VPS25: variants seen among roughly 807,000 people sequenced by gnomAD.
The protein encoded by VPS25 is vacuolar protein-sorting-associated protein 25.
A neutral mutation model predicts 30.3 loss-of-function variants in VPS25; 21 were observed. The ratio of observed to expected loss-of-function variants is 0.69; its 90% confidence interval spans 0.49 to 1.00. The LOEUF is 1.00. Ranked by LOEUF, VPS25 falls within the 50% of genes least tolerant of loss-of-function variation. The pLI, the probability that VPS25 is intolerant of heterozygous loss-of-function variation, is 0.00. For synonymous variants in VPS25, 101 were observed against 88.1 expected (o/e 1.15, Z -0.82); for missense variants, 156 against 217.2 (o/e 0.72, Z 1.77).
intron 4 of VPS25, among the ~76,000 whole-genome samples, chr17:42,775,691 G>A (rs1366776241): frequency 2.0e-5 from 3 of 152,176 alleles, no homozygotes; most frequent in African/African-American, 4.8e-5. Flanking sequence ...CGGGGGCTAT[G>A]TGAGGCCATA....
chr17:42,777,994 T>C (rs974646453), intron 5 of VPS25, among the ~76,000 whole-genome samples: 2 of 152,034 alleles, frequency 1.3e-5, no homozygotes, highest in African/African-American at 2.4e-5. Flanking sequence ...TTCAGCACTG[T>C]AGCCTTGCCT....
At chr17:42,777,601 C>T (rs2054443369) in intron 5 of VPS25, among the ~76,000 whole-genome samples, 1 of 152,134 alleles carries the variant, frequency 6.6e-6, no homozygotes, top group African/African-American at 2.4e-5. Flanking sequence ...GAAACAAGGG[C>T]AGGGGATTAA....
chr17:42,779,375 A>G lies in VPS25; in HGVS notation c.*306A>G, dbSNP rs1856222065. On this transcript the variant is annotated 3_prime_UTR_variant, in exon 6 of 6. Transcript: ENST00000253794. ...TTTATATGTGTTCACACATGTAAGT[A>G]CATACACACATGCGCCTGCAGCACA... 3.4e-6 allele frequency: 1 copy of G among 290,584 alleles called. No homozygotes were observed. The highest frequency in any genetic ancestry group is 6.9e-6 in the Non-Finnish European group (1 of 145,562). The allele number at this position is 290,584 out of a possible 1,614,324, so 18.0% of individuals were successfully genotyped here.
Position 42,774,695 on chromosome 17 carries a change from G to A in VPS25, c.249G>A (p.Lys83=), listed in dbSNP as rs746419040. The change falls in exon 3 of 6, where the codon AAG becomes AAA. Residue 83 remains lysine (K), a synonymous_variant. Coordinates refer to ENST00000253794, the MANE Select transcript of VPS25 (RefSeq NM_032353.4). ...SIQIVLEELR[K]KGNLEWLDKS... ...AGATTGTATTAGAGGAACTGAGGAA[G>A]AAAGGTGGGTTCAGTTCCCCAGATT... 6.8e-6 allele frequency: 11 copies of A among 1,612,438 alleles called. No individual in the cohort carries two copies. The highest frequency in any genetic ancestry group is 1.6e-4 in the Middle Eastern group (1 of 6,078).
intron 2 of VPS25, 94 bp downstream of exon 2, chr17:42,773,972 C>G: frequency 8.3e-6 from 12 of 1,440,208 alleles, no homozygotes; most frequent in Non-Finnish European, 1.1e-5. Context: ...CCCCTTTTAC[C>G]CATGGTAGGC....
intron 5 of VPS25, among the ~76,000 whole-genome samples, chr17:42,778,384 C>A (rs928801717): frequency 1.3e-5 from 2 of 152,134 alleles, no homozygotes; most frequent in Non-Finnish European, 2.9e-5. Flanking sequence ...AGGGTTTCTC[C>A]ATGTTGGCCA....
Position 42,773,514 on chromosome 17 carries a change from C to T in VPS25, c.39C>T (p.Phe13=), listed in dbSNP as rs748133246. ...TCGAGTGGCCGTGGCAGTATCGCTT[C>T]CCACCCTTCTTTACGTGAGGCTCAG... ...MSFEWPWQYR[F]PPFFTLQPNV... is the part of the protein sequence containing the mutation. The change falls in exon 1 of 6, where the codon TTC becomes TTT. Residue 13 remains phenylalanine, a synonymous_variant. Transcript: ENST00000253794. 8.1e-6 allele frequency: 13 copies of T among 1,614,072 alleles called. No homozygotes were observed. The African/African-American group carries it at 1.6e-4, about 20-fold the overall frequency.
At position 42,773,527 on chromosome 17, in the gene VPS25, A is replaced by C; in HGVS notation, c.52A>C (p.Thr18Pro). ...PWQYRFPPFF[T>P]LQPNVDTRQK... ...GCAGTATCGCTTCCCACCCTTCTTT[A>C]CGTGAGGCTCAGACCCCAAGAAGCA... The change falls in exon 1 of 6, where the codon ACG becomes CCG. Residue 18 changes from threonine to proline, a missense_variant and splice_region_variant. Coordinates refer to ENST00000253794, the MANE Select transcript of VPS25 (RefSeq NM_032353.4). The C allele has an allele frequency of 6.2e-7, 1 of 1,614,072 alleles. No homozygotes were observed.
Position 42,774,675 on chromosome 17 carries a change from G to C in VPS25, c.229G>C (p.Val77Leu). Residue 77 changes from valine (V) to leucine (L), a missense_variant, in exon 3 of 6, where the codon GTA becomes CTA. Coordinates refer to ENST00000253794, the MANE Select transcript of VPS25 (RefSeq NM_032353.4). ...RKLPVESIQI[V>L]LEELRKKGNL... ...GCTTCCTGTGGAGTCGATCCAGATT[G>C]TATTAGAGGAACTGAGGAAGAAAGG... The C allele has an allele frequency of 6.2e-7, 1 of 1,613,318 alleles. No homozygotes were observed. Among genetic ancestry groups the C allele is most frequent in the South Asian group, 1.1e-5 (1 of 91,018 alleles).
At chr17:42,776,195 T>G in intron 4 of VPS25, 50 bp from the exon 5 acceptor site, 1 of 1,512,450 alleles carries the variant, frequency 6.6e-7, no homozygotes. Flanking sequence ...ATTTACTGTC[T>G]CCCAGGAGAT....
At position 42,773,878 on chromosome 17, in the gene VPS25, C is replaced by G; in HGVS notation, c.199C>G (p.Arg67Gly). ...SPLFNNVKLQ[R>G]KLPVESIQIV... Reference sequence around the variant, plus strand: ...GCTCTTCAACAACGTCAAGCTACAGCGTATCCTCCCTCAGGCTCTTCCACA... The same window carrying G: ...GCTCTTCAACAACGTCAAGCTACAGGGTATCCTCCCTCAGGCTCTTCCACA... Residue 67 changes from arginine to glycine, a missense_variant and splice_region_variant, in exon 2 of 6, where the codon CGA becomes GGA. By Grantham distance (125) the Arg-to-Gly change is moderately radical (BLOSUM62 -2). Coordinates refer to ENST00000253794, the MANE Select transcript of VPS25 (RefSeq NM_032353.4). 2 of 1,612,270 alleles carry G rather than the reference C, an allele frequency of 1.2e-6. No homozygotes were observed. The highest frequency in any genetic ancestry group is 1.7e-6 in the Non-Finnish European group (2 of 1,179,784).
chr17:42,778,181 C>T (rs2054446861), intron 5 of VPS25, among the ~76,000 whole-genome samples: 1 of 152,012 alleles, frequency 6.6e-6, no homozygotes, highest in African/African-American at 2.4e-5. Flanking sequence ...CATAGGCTCC[C>T]CAATTTTTTT....
intron 5 of VPS25, among the ~76,000 whole-genome samples, chr17:42,776,654 G>C (rs2054437502): frequency 7.0e-6 from 1 of 143,312 alleles, no homozygotes; most frequent in Non-Finnish European, 1.5e-5. Context: ...GAGCCACTGT[G>C]CCCCGCCTGT....
In VPS25 at chr17:42,776,661, C is replaced by CTTTTT. The variant is rs1177773681; in HGVS notation, c.418+342_418+343insTTTTT. On this transcript the variant is annotated intron_variant, in intron 5 of 5. Coordinates refer to ENST00000253794, the MANE Select transcript of VPS25 (RefSeq NM_032353.4). ...AGAGGCGTGAGCCACTGTGCCCCGC[C>CTTTTT]TGTTTTTTTTTTTTTTTTTTTGAGA... Among the ~76,000 whole-genome samples the CTTTTT allele has an allele frequency of 3.5e-5, 5 of 142,170 alleles. 1 individual carries two copies. Among genetic ancestry groups the CTTTTT allele is most frequent in the Non-Finnish European group, 4.6e-5 (3 of 65,686 alleles). 93.3% of individuals were successfully genotyped at this position (142,170 alleles called of 152,430 possible). A position where few individuals can be genotyped will look rare whatever the true frequency, so the allele number is the denominator to read the frequency against.
At chr17:42,775,193 G>T in intron 3 of VPS25, 188 bp from the exon 4 acceptor site, 1 of 549,194 alleles carries the variant, frequency 1.8e-6, no homozygotes, top group East Asian at 3.1e-5. Context: ...TCAGGCATGT[G>T]TCACCACACA....
intron 4 of VPS25, 84 bp from the exon 5 acceptor site, chr17:42,776,161 G>C: frequency 8.2e-7 from 1 of 1,226,968 alleles, no homozygotes; most frequent in Non-Finnish European, 1.2e-6. Context: ...TATCATTCCT[G>C]GATCAGAGGG....
At chr17:42,776,991 G>A (rs557472997) in intron 5 of VPS25, among the ~76,000 whole-genome samples, 176 of 152,294 alleles carry the variant, frequency 1.2e-3, no homozygotes, top group Non-Finnish European at 2.1e-3. Flanking sequence ...GGCTAAGGTG[G>A]GAGGATTGCT....
chr17:42,779,368 T>C lies in VPS25; in HGVS notation c.*299T>C, dbSNP rs61754311. ...CTGACACTTTATATGTGTTCACACATGTAAGTACATACACACATGCGCCTG... is the reference window on the plus strand; with the variant it reads ...CTGACACTTTATATGTGTTCACACACGTAAGTACATACACACATGCGCCTG... On this transcript the variant is annotated 3_prime_UTR_variant, in exon 6 of 6. Transcript: ENST00000253794. 5.5e-4 allele frequency: 187 copies of C among 337,476 alleles called. No individual in the cohort carries two copies. The highest frequency in any genetic ancestry group is 3.8e-3 in the African/African-American group (179 of 47,414). 20.9% of individuals were successfully genotyped at this position (337,476 alleles called of 1,614,324 possible).
chr17:42,774,768 A>C (rs1443147846), intron 3 of VPS25, 69 bp downstream of exon 3: 1 of 1,421,474 alleles, frequency 7.0e-7, no homozygotes, highest in Non-Finnish European at 9.8e-7. Flanking sequence ...AATTAGGATA[A>C]GTCTTTTTCC....
Sources: gnomAD v4.1 joint callset for allele counts (sites outside exome capture counted in the v4.1 genomes callset) on GRCh38, gnomAD v4.1.1 for gene constraint, MANE v1.5 for transcripts, NCBI Gene and HGNC (gene_info 2026-07-23, HGNC 2026-07-21) for gene names.